Variants in SHE observed in about 807,000 individuals in gnomAD.
SHE encodes Src homology 2 domain containing E.
SHE carries 11 observed loss-of-function variants against 49.8 expected under a neutral mutation model. That is an observed-to-expected ratio of 0.22 (90% CI 0.14 to 0.37). The LOEUF is 0.37. Ranked by LOEUF, SHE falls within the 10% of genes least tolerant of loss-of-function variation. SHE has a pLI of 1.00. For synonymous variants in SHE, 310 were observed against 278.1 expected, an observed-to-expected ratio of 1.11 and a Z score of -1.14; for missense variants, 624 against 655.5, an observed-to-expected ratio of 0.95 and a Z score of 0.52.
chr1:154,501,748 C>T lies in SHE; in HGVS notation c.279G>A (p.Arg93=). The T allele has an allele frequency of 6.4e-7, 1 of 1,574,722 alleles. No individual in the cohort carries two copies. ...GGCTGTCCTTGGGGCCGACGCCGGC[C>T]CTGCCGCTCCCCAGCTCGGCCGCCG... ...KNSAAELGSG[R]AGVGPKDSRL... is the part of the protein sequence containing the mutation. Residue 93 remains arginine, a synonymous_variant, in exon 1 of 6, where the codon AGG becomes AGA. Coordinates refer to ENST00000304760, the MANE Select transcript of SHE (RefSeq NM_001010846.3).
chr1:154,494,750 C>A (rs150700236), intron 2 of SHE, among the ~76,000 whole-genome samples: 1 of 152,182 alleles, frequency 6.6e-6, no homozygotes, highest in African/African-American at 2.4e-5. Context: ...GTTTCCTCAA[C>A]TGTATAAAGA....
In SHE at chr1:154,487,680, C is replaced by T. The variant is rs1271191286; in HGVS notation, c.1025-997G>A. 2.0e-5 allele frequency among the ~76,000 whole-genome samples: 3 copies of T among 151,626 alleles called. No homozygotes were observed. In the East Asian group the frequency reaches 6.0e-4, roughly 30 times the overall value. ...CCACCTGGGCAGCACAGTGAGACCC[C>T]ATCTCTAAAAAATTAAAGAATAATC... On this transcript the variant is annotated intron_variant, in intron 3 of 5. Coordinates refer to ENST00000304760, the MANE Select transcript of SHE (RefSeq NM_001010846.3).
intron 1 of SHE, among the ~76,000 whole-genome samples, chr1:154,471,231 C>CA (rs1691736318): frequency 6.6e-6 from 1 of 152,056 alleles, no homozygotes; most frequent in South Asian, 2.1e-4. Context: ...ACTTAAAAAA[C>CA]AAAACAGGCC....
At chr1:154,491,530 G>A (rs1380437812) in intron 2 of SHE, among the ~76,000 whole-genome samples, 1 of 152,164 alleles carries the variant, frequency 6.6e-6, no homozygotes, top group African/African-American at 2.4e-5. Flanking sequence ...CAGGTGCCAC[G>A]GCTGGACCAA....
Position 154,480,320 on chromosome 1 carries a change from AG to A in SHE, c.*3828del. 1 of 985,428 alleles carries A rather than the reference AG, an allele frequency of 1.0e-6. No individual in the cohort carries two copies. The highest frequency in any genetic ancestry group is 1.2e-6 in the Non-Finnish European group (1 of 829,934). The allele number at this position is 985,428 out of a possible 1,614,324, so 61.0% of individuals were successfully genotyped here. On this transcript the variant is annotated 3_prime_UTR_variant, in exon 6 of 6. Coordinates refer to ENST00000304760, the MANE Select transcript of SHE (RefSeq NM_001010846.3). ...ACTGCACTCCCTAAACCCTGGAAGG[AG>A]GGAGAAACAAGGGGCTAACCTTTGA...
intron 1 of SHE, among the ~76,000 whole-genome samples, chr1:154,473,236 G>C (rs1230520094): frequency 6.6e-6 from 1 of 151,970 alleles, no homozygotes; most frequent in African/African-American, 2.4e-5. Context: ...CCAACCTTAG[G>C]TGATCCGCCT....
In SHE at chr1:154,484,028, T is replaced by C. The variant is rs975367694; in HGVS notation, c.*121A>G. On this transcript the variant is annotated 3_prime_UTR_variant, in exon 6 of 6. Transcript: ENST00000304760. ...AAACAAAACAAATCACTCTCTGACT[T>C]TTCAAGGAAGACTCCCATTTTCTAG... 1.1e-5 allele frequency: 16 copies of C among 1,452,592 alleles called. No individual in the cohort carries two copies. In the South Asian group the frequency reaches 2.1e-4, roughly 19 times the overall value. The allele number at this position is 1,452,592 out of a possible 1,614,324, so 90.0% of individuals were successfully genotyped here. A position where few individuals can be genotyped will look rare whatever the true frequency, so the allele number is the denominator to read the frequency against.
At chr1:154,495,746 C>A (rs1227288810) in intron 2 of SHE, among the ~76,000 whole-genome samples, 1 of 151,368 alleles carries the variant, frequency 6.6e-6, no homozygotes, top group Non-Finnish European at 1.5e-5. Context: ...AAAAAAAAAA[C>A]CTCAAGAAAT....
chr1:154,500,393 C>T (rs2149300879), intron 1 of SHE, among the ~76,000 whole-genome samples: 1 of 152,232 alleles, frequency 6.6e-6, no homozygotes, highest in African/African-American at 2.4e-5. Flanking sequence ...TCAGGGTGGG[C>T]ATGCTGTATT....
downstream of SHE, among the ~76,000 whole-genome samples, chr1:154,476,568 G>A (rs1335213929): frequency 6.6e-6 from 1 of 151,712 alleles, no homozygotes; most frequent in Non-Finnish European, 1.5e-5. Flanking sequence ...GGAAGCAGAG[G>A]TTGCAGTGAG....
At position 154,483,433 on chromosome 1, in the gene SHE, A is replaced by C. The variant is rs889672908; in HGVS notation, c.*716T>G. 1.0e-6 allele frequency: 1 copy of C among 985,266 alleles called. No homozygotes were observed. The highest frequency in any genetic ancestry group is 6.2e-5 in the Admixed American group (1 of 16,260). 61.0% of individuals were successfully genotyped at this position (985,266 alleles called of 1,614,324 possible). A position where few individuals can be genotyped will look rare whatever the true frequency, so the allele number is the denominator to read the frequency against. On this transcript the variant is annotated 3_prime_UTR_variant, in exon 6 of 6. Transcript: ENST00000304760. ...CGAGTCCAATATAACATCCTCTTCC[A>C]GTCTGCACCATCATGTGGAAAAGCC...
At chr1:154,485,542 T>C (rs1318739108) in intron 5 of SHE, 1 of 156,226 alleles carries the variant, frequency 6.4e-6, no homozygotes. Context: ...AGTTGGCATT[T>C]TGACAATCAG....
chr1:154,501,689 T>C lies in SHE; in HGVS notation c.338A>G (p.Gln113Arg). The change falls in exon 1 of 6, where the codon CAG (glutamine) becomes CGG (arginine). Residue 113 changes from glutamine to arginine, a missense_variant. Gln to Arg is a conservative substitution (Grantham distance 43). Around this residue, in one of 4 missense-constraint regions of SHE, gnomAD observed 337 missense variants for 306.0 expected, o/e 1.10. Transcript: ENST00000304760. The part of the protein sequence containing the change: ...LSRDSLQGLI[Q>R]AAAGKGRKNS... ...TTTGCGGCCCTTGCCCGCGGCGGCC[T>C]GAATCAGACCCTGCAGGCTGTCGCG... 3 of 1,612,770 alleles carry C rather than the reference T, an allele frequency of 1.9e-6. No individual in the cohort carries two copies. Among genetic ancestry groups the C allele is most frequent in the Non-Finnish European group, 2.5e-6 (3 of 1,179,660 alleles).
At chr1:154,495,315 G>C (rs891395521) in intron 2 of SHE, among the ~76,000 whole-genome samples, 1 of 152,216 alleles carries the variant, frequency 6.6e-6, no homozygotes, top group Non-Finnish European at 1.5e-5. Flanking sequence ...AGAATATTTA[G>C]TTAAAATGTT....
At chr1:154,486,725 GA>G in intron 3 of SHE, 42 bp from the exon 4 acceptor site, 2 of 1,604,092 alleles carry the variant, frequency 1.2e-6, no homozygotes, top group Non-Finnish European at 1.7e-6. Flanking sequence ...CCACTGCGGT[GA>G]CCCATGTAAA....
In SHE at chr1:154,501,941, C is replaced by A; in HGVS notation, c.86G>T (p.Gly29Val). ...CATGAGGGGGCCCCGGCCGGCTCGG[C>A]CCAGGAGCGTCGGGGCCGTGGAGCA... ...LACSTAPTLL[G>V]RAGRGPLMAA... The change falls in exon 1 of 6, where the codon GGC (glycine) becomes GTC (valine). Residue 29 changes from glycine to valine, a missense_variant. Gly to Val is a moderately radical substitution (Grantham distance 109). This residue lies in a region of SHE where 337 missense variants were observed against 306.0 expected (regional missense o/e 1.10). Coordinates refer to ENST00000304760, the MANE Select transcript of SHE (RefSeq NM_001010846.3). 6 of 1,462,106 alleles carry A rather than the reference C, an allele frequency of 4.1e-6. No individual in the cohort carries two copies. Among genetic ancestry groups the A allele is most frequent in the Non-Finnish European group, 3.6e-6 (4 of 1,118,134 alleles). The allele number at this position is 1,462,106 out of a possible 1,614,324, so 90.6% of individuals were successfully genotyped here. A position where few individuals can be genotyped will look rare whatever the true frequency, so the allele number is the denominator to read the frequency against.
Position 154,481,443 on chromosome 1 carries a change from TAGA to T in SHE, c.*2703_*2705del, listed in dbSNP as rs1287667951. ...TATGACTTGTCACAGAGAAACAGTATAGAAGAAGCATAATACTGGGCATATGAC... is the reference window on the plus strand; with the variant it reads ...TATGACTTGTCACAGAGAAACAGTATAGAAGCATAATACTGGGCATATGAC... On this transcript the variant is annotated 3_prime_UTR_variant, in exon 6 of 6. Transcript: ENST00000304760. 7 of 985,434 alleles carry T rather than the reference TAGA, an allele frequency of 7.1e-6. No individual in the cohort carries two copies. In the African/African-American group the frequency reaches 8.7e-5, roughly 12 times the overall value. 61.0% of individuals were successfully genotyped at this position (985,434 alleles called of 1,614,324 possible).
rs754324315 is a variant in SHE, at chr1:154,501,505, G to C, written c.522C>G (p.Ser174=). The C allele has an allele frequency of 1.2e-5, 19 of 1,614,060 alleles. No homozygotes were observed. The highest frequency in any genetic ancestry group is 1.6e-5 in the Non-Finnish European group (19 of 1,180,034). Residue 174 remains serine (S), a synonymous_variant, in exon 1 of 6, where the codon TCC becomes TCG. Transcript: ENST00000304760. ...SSSSSSSSSS[S]ASSSPSSLGP... is the part of the protein sequence containing the mutation. Reference sequence around the variant, plus strand: ...CCAGGGAGGAAGGGGAAGAGGACGCGGAGGAAGAGGAGCTGGAGCTGGAGC... The same window carrying C: ...CCAGGGAGGAAGGGGAAGAGGACGCCGAGGAAGAGGAGCTGGAGCTGGAGC...
chr1:154,470,216 G>T, exon 2 of SHE: 1 of 908,070 alleles, frequency 1.1e-6, no homozygotes, highest in Non-Finnish European at 1.5e-6. Flanking sequence ...AGGTGGCCAG[G>T]CTGCGTGGGC....
Sources: allele counts gnomAD v4.1 joint callset (sites outside exome capture counted in the v4.1 genomes callset), GRCh38; gene constraint gnomAD v4.1.1; regional missense constraint gnomAD v4.1.1; transcripts MANE v1.5; gene names NCBI Gene and HGNC (gene_info 2026-07-23, HGNC 2026-07-21).